Variants in RNF111 observed in about 807,000 individuals in gnomAD.
The protein encoded by RNF111 is ring finger protein 111.
In RNF111, 17 loss-of-function variants were observed where a neutral mutation model predicts 95.1. That is an observed-to-expected ratio of 0.18 (90% CI 0.12 to 0.27). The LOEUF (loss-of-function observed/expected upper bound fraction) is 0.27. Ranked by LOEUF, RNF111 falls within the 10% of genes least tolerant of loss-of-function variation. The pLI, the probability that RNF111 is intolerant of heterozygous loss-of-function variation, is 1.00. For synonymous variants in RNF111, 440 were observed against 414.8 expected (o/e 1.06, Z -0.74); for missense variants, 1,189 against 1,210.4 (o/e 0.98, Z 0.26).
chr15:59,047,548 A>C (rs1016794789), intron 2 of RNF111, among the ~76,000 whole-genome samples: 10 of 152,082 alleles, frequency 6.6e-5, no homozygotes, highest in Admixed American at 5.9e-4. Flanking sequence ...AAAAATGCTC[A>C]GCACCATTAG....
At chr15:58,996,649 CTTTTTTTTTTTTTTTTTTTTT>C (rs60350601) in intron 1 of RNF111, among the ~76,000 whole-genome samples, 1 of 100,810 alleles carries the variant, frequency 9.9e-6, no homozygotes. Flanking sequence ...TCAGTACTTT[CTTTTTTTTTTTTTTTTTTTTT>C]TTTTTTTTAC....
chr15:59,038,713 A>G (rs1381761567), intron 2 of RNF111, among the ~76,000 whole-genome samples: 1 of 152,034 alleles, frequency 6.6e-6, no homozygotes, highest in African/African-American at 2.4e-5. Flanking sequence ...ATTCTTTTTT[A>G]TATATGGCAT....
intron 5 of RNF111, among the ~76,000 whole-genome samples, chr15:59,063,364 TTGAA>T (rs1454497020): frequency 1.3e-5 from 2 of 152,178 alleles, no homozygotes; most frequent in Non-Finnish European, 2.9e-5. Context: ...TGTAAGACTG[TTGAA>T]TGAATGAGTA....
At chr15:59,056,408 T>C (rs1447371278) in intron 4 of RNF111, among the ~76,000 whole-genome samples, 1 of 152,216 alleles carries the variant, frequency 6.6e-6, no homozygotes, top group African/African-American at 2.4e-5. Context: ...TAGGAATATA[T>C]GAATGAATAC....
chr15:59,053,787 G>T (rs1260962109), intron 3 of RNF111, among the ~76,000 whole-genome samples: 1 of 152,100 alleles, frequency 6.6e-6, no homozygotes, highest in East Asian at 1.9e-4. Context: ...CATGGTTGAT[G>T]TCAAGCAGAT....
In RNF111 at chr15:59,095,881, C is replaced by G; in HGVS notation, c.*981C>G. ...AGTCACTGGCAGGTATCTGTGCATT[C>G]ATAGAACTTATAAAGGTCCCAGGAT... is the stretch of plus-strand genomic sequence containing the variant. On this transcript the variant is annotated 3_prime_UTR_variant, in exon 14 of 14. Coordinates refer to ENST00000348370, the MANE Select transcript of RNF111 (RefSeq NM_017610.8). 1 of 396,544 alleles carries G rather than the reference C, an allele frequency of 2.5e-6. No homozygotes were observed. The highest frequency in any genetic ancestry group is 4.4e-6 in the Non-Finnish European group (1 of 224,878). The allele number at this position is 396,544 out of a possible 1,614,324, so 24.6% of individuals were successfully genotyped here.
In RNF111 at chr15:59,085,658, G is replaced by C; in HGVS notation, c.2424-1G>C. 6.2e-7 allele frequency: 1 copy of C among 1,612,644 alleles called. No homozygotes were observed. The highest frequency in any genetic ancestry group is 8.5e-7 in the Non-Finnish European group (1 of 1,179,262). ...TTAAACTGTTCTCATCCTTTCGTTA[G>C]GGAACTGGGAATTGAAGCTGGAGTG... is the stretch of plus-strand genomic sequence containing the variant. On this transcript the variant is annotated splice_acceptor_variant, in intron 9 of 13. Coordinates refer to ENST00000348370, the MANE Select transcript of RNF111 (RefSeq NM_017610.8). LOFTEE classifies it high-confidence loss of function.
chr15:59,019,851 C>G (rs184336484), intron 1 of RNF111, among the ~76,000 whole-genome samples: 3 of 151,966 alleles, frequency 2.0e-5, no homozygotes, highest in Admixed American at 6.6e-5. Context: ...CCTAGCTGCT[C>G]GGGAGGCTGA....
chr15:59,012,368 A>C (rs760611519), intron 1 of RNF111, among the ~76,000 whole-genome samples: 1 of 152,086 alleles, frequency 6.6e-6, no homozygotes, highest in Non-Finnish European at 1.5e-5. Flanking sequence ...TTTGATAATT[A>C]AGACCCTTAG....
intron 6 of RNF111, among the ~76,000 whole-genome samples, chr15:59,070,189 A>G (rs1480899640): frequency 6.6e-6 from 1 of 151,596 alleles, no homozygotes; most frequent in Non-Finnish European, 1.5e-5. Context: ...AATTAGTGTG[A>G]TGCATCATTT....
intron 1 of RNF111, among the ~76,000 whole-genome samples, chr15:59,021,085 C>T (rs1171116422): frequency 1.5e-4 from 23 of 152,104 alleles, no homozygotes; most frequent in African/African-American, 5.6e-4. Context: ...CCCTTTCCCC[C>T]AAAGTCCTTT....
At position 59,041,961 on chromosome 15, in the gene RNF111, A is replaced by ATTTTTTTTTTTTTTTTTTTT. The variant is rs79347638; in HGVS notation, c.880+10277_880+10278insTTTTTTTTTTTTTTTTTTTT. 2.0e-5 allele frequency among the ~76,000 whole-genome samples: 2 copies of ATTTTTTTTTTTTTTTTTTTT among 100,106 alleles called. 1 individual carries two copies. The highest frequency in any genetic ancestry group is 8.0e-5 in the African/African-American group (2 of 24,848). The allele number at this position is 100,106 out of a possible 152,430, so 65.7% of individuals were successfully genotyped here. A position where few individuals can be genotyped will look rare whatever the true frequency, so the allele number is the denominator to read the frequency against. Reference sequence around the variant, plus strand: ...CTTTTCCTGTGATCAGTCTGTTCATATTTTTTTTTTTTTTTTTTGCCTGTT... The same window carrying ATTTTTTTTTTTTTTTTTTTT: ...CTTTTCCTGTGATCAGTCTGTTCATATTTTTTTTTTTTTTTTTTTTTTTTTTTTTTTTTTTTTTGCCTGTT... On this transcript the variant is annotated intron_variant, in intron 2 of 13. Transcript: ENST00000348370.
rs566474159 is a variant in RNF111 at position 59,028,446 on chromosome 15, A to G, written c.-19-2358A>G. 7.9e-5 allele frequency among the ~76,000 whole-genome samples: 12 copies of G among 152,246 alleles called. No homozygotes were observed. In the South Asian group the frequency reaches 8.3e-4, roughly 11 times the overall value. On this transcript the variant is annotated intron_variant, in intron 1 of 13. Transcript: ENST00000348370. ...ATTTATAAATTAGGCAGAATAAGAG[A>G]CTAACAACAACAATAAAGTAGCAAA...
intron 5 of RNF111, among the ~76,000 whole-genome samples, chr15:59,062,632 T>C (rs1312816987): frequency 1.1e-4 from 16 of 152,342 alleles, no homozygotes; most frequent in Non-Finnish European, 1.9e-4. Context: ...ATTGAGCCTA[T>C]AGTGTTGGCC....
chr15:59,082,369 T>C (rs138822419), intron 8 of RNF111, among the ~76,000 whole-genome samples: 215 of 152,312 alleles, frequency 1.4e-3, no homozygotes, highest in African/African-American at 4.5e-3. Flanking sequence ...TTGATGATTC[T>C]GAGGAATAAG....
intron 1 of RNF111, among the ~76,000 whole-genome samples, chr15:59,014,622 TGTTA>T (rs2039981670): frequency 6.6e-6 from 1 of 152,212 alleles, no homozygotes; most frequent in Middle Eastern, 3.2e-3. Flanking sequence ...AGGGGAAAGT[TGTTA>T]GATTCTTCTG....
At chr15:59,053,478 T>C (rs757633872) in intron 3 of RNF111, among the ~76,000 whole-genome samples, 15 of 152,222 alleles carry the variant, frequency 9.9e-5, no homozygotes, top group Non-Finnish European at 1.9e-4. Context: ...AAGTATATAT[T>C]CATATTTCTG....
At chr15:59,021,749 G>C (rs1397710305) in intron 1 of RNF111, among the ~76,000 whole-genome samples, 1 of 152,110 alleles carries the variant, frequency 6.6e-6, no homozygotes, top group East Asian at 1.9e-4. Flanking sequence ...CTACATCACT[G>C]TTCACTGTTT....
intron 1 of RNF111, among the ~76,000 whole-genome samples, chr15:58,998,065 C>A (rs1056804418): frequency 6.6e-6 from 1 of 151,230 alleles, no homozygotes; most frequent in South Asian, 2.1e-4. Flanking sequence ...CCACCACACC[C>A]GGCTAATTTT....
Sources: gnomAD v4.1 joint callset for allele counts (sites outside exome capture counted in the v4.1 genomes callset) on GRCh38, gnomAD v4.1.1 for gene constraint, MANE v1.5 for transcripts, NCBI Gene and HGNC (gene_info 2026-07-23, HGNC 2026-07-21) for gene names.